Variants in DENND1B observed in about 807,000 individuals in gnomAD.
DENND1B encodes DENN domain containing 1B, also known as DENN domain-containing protein 1B.
DENND1B carries 59 observed loss-of-function variants against 90.1 expected under a neutral mutation model. That is an observed-to-expected ratio of 0.65 (90% CI 0.53 to 0.81). DENND1B has a LOEUF of 0.81. Ranked by LOEUF, DENND1B falls within the 40% of genes least tolerant of loss-of-function variation. The probability of loss-of-function intolerance (pLI) is 0.00; values close to 1 mark genes in which losing one functional copy is unlikely to be tolerated. For synonymous variants in DENND1B, 337 were observed against 324.6 expected, an observed-to-expected ratio of 1.04 and a Z score of -0.41; for missense variants, 862 against 912.6, an observed-to-expected ratio of 0.94 and a Z score of 0.71.
At chr1:197,536,034 G>A (rs1669852142) in intron 20 of DENND1B, among the ~76,000 whole-genome samples, 1 of 151,666 alleles carries the variant, frequency 6.6e-6, no homozygotes, top group African/African-American at 2.4e-5. Flanking sequence ...GGGGATGGGA[G>A]AGGGAGGAAG....
Position 197,540,081 on chromosome 1 carries a change from A to G in DENND1B, c.1408-10T>C. 2 of 1,578,754 alleles carry G rather than the reference A, an allele frequency of 1.3e-6. No individual in the cohort carries two copies. The highest frequency in any genetic ancestry group is 8.7e-7 in the Non-Finnish European group (1 of 1,154,880). On this transcript the variant is annotated splice_polypyrimidine_tract_variant and intron_variant, in intron 19 of 22. Transcript: ENST00000620048. ...AATCTTCTTCATTTTCCTACACATG[A>G]AAAAATATACAGGCAATAATTGTAA...
intron 15 of DENND1B, among the ~76,000 whole-genome samples, chr1:197,556,061 A>G (rs1011421628): frequency 6.6e-6 from 1 of 152,074 alleles, no homozygotes. Context: ...CAACCAATAA[A>G]TGATGCTGGA....
rs1558270087 is a variant in DENND1B, at chr1:197,583,270, A to G, written c.1048-17T>C. 6.2e-7 allele frequency: 1 copy of G among 1,610,444 alleles called. No homozygotes were observed. The highest frequency in any genetic ancestry group is 2.2e-5 in the East Asian group (1 of 44,832). On this transcript the variant is annotated splice_polypyrimidine_tract_variant and intron_variant, in intron 14 of 22. Coordinates refer to ENST00000620048, the MANE Select transcript of DENND1B (RefSeq NM_001195215.2). ...GGGCTCACCCTAGATAGAAATAAAG[A>G]TTTTAAGGGCATCAATAAAAGGTTA...
At chr1:197,594,093 G>A (rs1675477104) in intron 14 of DENND1B, among the ~76,000 whole-genome samples, 1 of 152,070 alleles carries the variant, frequency 6.6e-6, no homozygotes, top group African/African-American at 2.4e-5. Flanking sequence ...ATTATATAAT[G>A]CTTTAAAAAT....
intron 12 of DENND1B, among the ~76,000 whole-genome samples, chr1:197,608,552 T>C (rs902427656): frequency 6.6e-6 from 1 of 150,782 alleles, no homozygotes; most frequent in South Asian, 2.1e-4. Context: ...AAAATATAAA[T>C]TATGTTAATT....
intron 3 of DENND1B, among the ~76,000 whole-genome samples, chr1:197,677,486 A>G (rs1656211104): frequency 6.6e-6 from 1 of 152,130 alleles, no homozygotes; most frequent in Non-Finnish European, 1.5e-5. Context: ...GGTAGTTACC[A>G]TGACCCCTCC....
chr1:197,561,589 C>T lies in DENND1B; in HGVS notation c.1150-8477G>A, dbSNP rs190087425. Among the ~76,000 whole-genome samples the T allele has an allele frequency of 9.7e-4, 148 of 151,844 alleles. 1 individual carries two copies. The highest frequency in any genetic ancestry group is 3.4e-3 in the African/African-American group (141 of 41,508). ...CTCCAAAATGTATATACCTCCAGTC[C>T]AGTATTCTCCCCTCCTCCTTTATCC... is the stretch of plus-strand genomic sequence containing the variant. On this transcript the variant is annotated intron_variant, in intron 15 of 22. Transcript: ENST00000620048.
chr1:197,598,624 A>G (rs550654316), intron 13 of DENND1B, among the ~76,000 whole-genome samples: 83 of 151,946 alleles, frequency 5.5e-4, no homozygotes, highest in African/African-American at 2.0e-3. Flanking sequence ...TCTTCCCATG[A>G]AATCCTAAGG....
intron 15 of DENND1B, among the ~76,000 whole-genome samples, chr1:197,580,394 T>C (rs1674126277): frequency 6.6e-6 from 1 of 151,738 alleles, no homozygotes; most frequent in African/African-American, 2.4e-5. Flanking sequence ...TGCTAGGATC[T>C]AATAATTTTC....
chr1:197,530,661 A>G (rs1374790613), intron 20 of DENND1B, among the ~76,000 whole-genome samples: 1 of 152,170 alleles, frequency 6.6e-6, no homozygotes, highest in Non-Finnish European at 1.5e-5. Context: ...CAAGAGAGAA[A>G]TCAGATGGTG....
intron 10 of DENND1B, among the ~76,000 whole-genome samples, chr1:197,624,454 A>T (rs947763534): frequency 6.6e-6 from 1 of 151,672 alleles, no homozygotes; most frequent in Admixed American, 6.6e-5. Flanking sequence ...GTAAAATGCA[A>T]AACTATAAAA....
chr1:197,663,694 C>CT (rs1288866117), intron 5 of DENND1B, among the ~76,000 whole-genome samples: 1 of 152,076 alleles, frequency 6.6e-6, no homozygotes, highest in African/African-American at 2.4e-5. Context: ...TGGCTTCTGT[C>CT]TTTGAGTGTG....
At chr1:197,569,626 G>A (rs1672983365) in intron 15 of DENND1B, among the ~76,000 whole-genome samples, 2 of 150,810 alleles carry the variant, frequency 1.3e-5, no homozygotes, top group South Asian at 4.2e-4. Flanking sequence ...TTATAAAGAA[G>A]AAAATCCTGT....
At chr1:197,696,138 C>T (rs1176748484) in intron 3 of DENND1B, among the ~76,000 whole-genome samples, 1 of 151,164 alleles carries the variant, frequency 6.6e-6, no homozygotes, top group Non-Finnish European at 1.5e-5. Context: ...ACTGAGTAGA[C>T]TGGATTTAAT....
chr1:197,658,463 TAATCCTGGAGGTC>T, intron 5 of DENND1B, 94 bp from the exon 6 acceptor site: 1 of 884,216 alleles, frequency 1.1e-6, no homozygotes. Flanking sequence ...TCAAACAGGT[TAATCCTGGAGGTC>T]AAAAAAGAAC....
intron 3 of DENND1B, among the ~76,000 whole-genome samples, chr1:197,676,082 CAA>C (rs3046951): frequency 1.7e-5 from 2 of 114,926 alleles, no homozygotes; most frequent in African/African-American, 3.6e-5. Context: ...ACAGTATAGA[CAA>C]AAAAAAAAAA....
chr1:197,773,920 T>C (rs1476412917), intron 1 of DENND1B, among the ~76,000 whole-genome samples: 10 of 152,242 alleles, frequency 6.6e-5, no homozygotes. Flanking sequence ...ATGTACTTCC[T>C]TCAAGAAACG....
chr1:197,745,751 T>C (rs1346119781), intron 2 of DENND1B, among the ~76,000 whole-genome samples: 9 of 151,444 alleles, frequency 5.9e-5, no homozygotes, highest in Non-Finnish European at 1.2e-4. Context: ...AACCATCCCA[T>C]AATTTAAAGA....
Position 197,510,382 on chromosome 1 carries a change from A to C in DENND1B, c.*78T>G. On this transcript the variant is annotated 3_prime_UTR_variant, in exon 23 of 23. Transcript: ENST00000620048. ...AAAAATTTAAATAGTATGAGTTGCC[A>C]TTCCTACAAATAATTCTGTTTATTA... The C allele has an allele frequency of 6.9e-7, 1 of 1,448,516 alleles. No individual in the cohort carries two copies. Among genetic ancestry groups the C allele is most frequent in the Admixed American group, 2.6e-5 (1 of 38,896 alleles). The allele number at this position is 1,448,516 out of a possible 1,614,324, so 89.7% of individuals were successfully genotyped here. A position where few individuals can be genotyped will look rare whatever the true frequency, so the allele number is the denominator to read the frequency against.
Sources: gnomAD v4.1 joint callset for allele counts (sites outside exome capture counted in the v4.1 genomes callset) on GRCh38, gnomAD v4.1.1 for gene constraint, MANE v1.5 for transcripts, NCBI Gene and HGNC (gene_info 2026-07-23, HGNC 2026-07-21) for gene names.